Variants in FBN1 observed in about 807,000 individuals in gnomAD.
FBN1 encodes fibrillin-1.
In FBN1, 29 loss-of-function variants were observed where a neutral mutation model predicts 365.1. That is an observed-to-expected ratio of 0.08 (90% CI 0.06 to 0.11). The LOEUF (loss-of-function observed/expected upper bound fraction) is 0.11, where lower values mean the gene tolerates loss of function less well. Among genes scored for constraint, FBN1 ranks in the 10% least tolerant of loss-of-function variants. The pLI, the probability that FBN1 is intolerant of heterozygous loss-of-function variation, is 1.00. For synonymous variants in FBN1, 1,210 were observed against 1,270.5 expected (o/e 0.95, Z 1.01); for missense variants, 2,476 against 3,703.2 (o/e 0.67, Z 8.60).
intron 2 of FBN1, 45 bp from the exon 3 acceptor site, chr15:48,613,137 A>G (rs1053014987): frequency 4.1e-6 from 6 of 1,460,294 alleles, no homozygotes; most frequent in African/African-American, 1.4e-5. Context: ...AAAAAGAAGA[A>G]GAGGAAGAGA....
intron 1 of FBN1, among the ~76,000 whole-genome samples, chr15:48,645,177 C>T (rs975064358): frequency 6.6e-6 from 1 of 152,366 alleles, no homozygotes; most frequent in African/African-American, 2.4e-5. Flanking sequence ...CAGAAGAGCG[C>T]GGCGCAAAGT....
At chr15:48,537,545 A>G in intron 7 of FBN1, 66 bp downstream of exon 7, 1 of 1,579,200 alleles carries the variant, frequency 6.3e-7, no homozygotes, top group East Asian at 2.2e-5. Context: ...CTTCAACTTC[A>G]TTGGAGAATG....
At chr15:48,441,602 G>T in intron 50 of FBN1, 119 bp downstream of exon 50, 1 of 1,266,162 alleles carries the variant, frequency 7.9e-7, no homozygotes, top group Non-Finnish European at 1.1e-6. Flanking sequence ...ACCTCTGGGT[G>T]AATGAAAACT....
chr15:48,474,251 A>T lies in FBN1; in HGVS notation c.4210+4T>A. ...TGACACAGTTGTTTCCAGCGTGAAC[A>T]TACCTGTACAAGTGAAGCCATCACC... On this transcript the variant is annotated splice_donor_region_variant and intron_variant, in intron 34 of 65. Coordinates refer to ENST00000316623, the MANE Select transcript of FBN1 (RefSeq NM_000138.5). 1 of 1,614,110 alleles carries T rather than the reference A, an allele frequency of 6.2e-7. No homozygotes were observed. Among genetic ancestry groups the T allele is most frequent in the Non-Finnish European group, 8.5e-7 (1 of 1,179,980 alleles).
At chr15:48,628,848 G>C (rs895753845) in intron 2 of FBN1, among the ~76,000 whole-genome samples, 2 of 152,150 alleles carry the variant, frequency 1.3e-5, no homozygotes, top group Admixed American at 1.3e-4. Context: ...CAAAAAGAGA[G>C]ACTAGTAGTA....
chr15:48,458,158 T>C (rs2043255158), intron 43 of FBN1, among the ~76,000 whole-genome samples: 1 of 152,206 alleles, frequency 6.6e-6, no homozygotes, highest in Non-Finnish European at 1.5e-5. Context: ...TTACTTATTA[T>C]AGTCAGGAGC....
Position 48,472,617 on chromosome 15 carries a change from G to C in FBN1, c.4270C>G (p.Pro1424Ala), listed in dbSNP as rs201273753. 3.1e-4 allele frequency: 505 copies of C among 1,614,042 alleles called. No homozygotes were observed. Among genetic ancestry groups the C allele is most frequent in the Admixed American group, 1.0e-3 (62 of 60,004 alleles). Reference protein sequence around the residue: ...LCGNGQCLNAPGGYRCECDMG... With the variant: ...LCGNGQCLNAAGGYRCECDMG... Reference sequence around the variant, plus strand: ...TCGCATTCACAGCGGTATCCTCCTGGTGCATTGAGGCACTGGCCATTGCCA... The same window carrying C: ...TCGCATTCACAGCGGTATCCTCCTGCTGCATTGAGGCACTGGCCATTGCCA... Residue 1424 changes from proline to alanine, a missense_variant, in exon 35 of 66, where the codon CCA becomes GCA. Physicochemically the swap from Pro to Ala is conservative, Grantham distance 27. Around this residue, in one of 5 missense-constraint regions of FBN1, gnomAD observed 1,780 missense variants for 2,840.8 expected, o/e 0.63. Coordinates refer to ENST00000316623, the MANE Select transcript of FBN1 (RefSeq NM_000138.5).
chr15:48,431,799 A>C (rs1347953046), intron 55 of FBN1, among the ~76,000 whole-genome samples: 2 of 151,940 alleles, frequency 1.3e-5, no homozygotes, highest in African/African-American at 4.8e-5. Context: ...AGATTACAAG[A>C]ATGCGCCATC....
chr15:48,604,020 C>T (rs994566821), intron 4 of FBN1, among the ~76,000 whole-genome samples: 4 of 152,164 alleles, frequency 2.6e-5, no homozygotes, highest in African/African-American at 7.2e-5. Context: ...ACTTACTGAA[C>T]GTCTTTCATT....
chr15:48,615,301 A>G (rs552998842), intron 2 of FBN1, among the ~76,000 whole-genome samples: 3 of 152,078 alleles, frequency 2.0e-5, no homozygotes, highest in African/African-American at 7.2e-5. Flanking sequence ...TTTTACTACA[A>G]TCATACATTG....
intron 4 of FBN1, among the ~76,000 whole-genome samples, chr15:48,606,508 C>A (rs533288903): frequency 6.6e-6 from 1 of 152,228 alleles, no homozygotes; most frequent in East Asian, 1.9e-4. Context: ...TCTGTGATTC[C>A]ATTTATATAA....
chr15:48,585,201 C>T (rs953929745), intron 6 of FBN1, among the ~76,000 whole-genome samples: 3 of 152,180 alleles, frequency 2.0e-5, no homozygotes, highest in Non-Finnish European at 4.4e-5. Flanking sequence ...AACAATGCCT[C>T]CTAGGAGAGG....
chr15:48,448,740 A>G, intron 46 of FBN1, 28 bp downstream of exon 46: 1 of 1,598,710 alleles, frequency 6.3e-7, no homozygotes, highest in Non-Finnish European at 8.5e-7. Context: ...ACAGCATATG[A>G]AAAAAATAAT....
chr15:48,432,325 T>C (rs1440949950), intron 55 of FBN1, among the ~76,000 whole-genome samples: 2 of 152,202 alleles, frequency 1.3e-5, no homozygotes, highest in African/African-American at 2.4e-5. Context: ...GAGCAAACTC[T>C]ATGATTACTG....
At chr15:48,629,194 G>C (rs540050207) in intron 2 of FBN1, among the ~76,000 whole-genome samples, 1 of 152,298 alleles carries the variant, frequency 6.6e-6, no homozygotes, top group Admixed American at 6.5e-5. Flanking sequence ...TAAAATATCA[G>C]CTGAACTAAA....
At chr15:48,491,500 G>A (rs921587661) in intron 24 of FBN1, among the ~76,000 whole-genome samples, 3 of 152,058 alleles carry the variant, frequency 2.0e-5, no homozygotes, top group South Asian at 2.1e-4. Context: ...ACAGGTGCCC[G>A]CCACCGTGCC....
At chr15:48,424,868 T>C (rs1158648742) in intron 60 of FBN1, among the ~76,000 whole-genome samples, 4 of 152,218 alleles carry the variant, frequency 2.6e-5, no homozygotes, top group Non-Finnish European at 5.9e-5. Flanking sequence ...GTGATATTTA[T>C]GTCTCAGGGA....
rs2043606869 is a variant in FBN1, at chr15:48,496,153, A to G, written c.2366T>C (p.Val789Ala). 1 of 1,613,756 alleles carries G rather than the reference A, an allele frequency of 6.2e-7. No individual in the cohort carries two copies. Reference sequence around the variant, plus strand: ...GATAAATCCCTTGGGGCAGGTACAGACAAAACTTCCAGGAGTATTTCTACA... The same window carrying G: ...GATAAATCCCTTGGGGCAGGTACAGGCAAAACTTCCAGGAGTATTTCTACA... ...GQCRNTPGSF[V>A]CTCPKGFIYK... The change falls in exon 20 of 66, where the codon GTC becomes GCC. Residue 789 changes from valine to alanine, a missense_variant. Physicochemically the swap from Val to Ala is moderately conservative, Grantham distance 64 (BLOSUM62 0). Coordinates refer to ENST00000316623, the MANE Select transcript of FBN1 (RefSeq NM_000138.5).
intron 6 of FBN1, among the ~76,000 whole-genome samples, chr15:48,575,916 G>A (rs2044343397): frequency 6.6e-6 from 1 of 151,618 alleles, no homozygotes. Flanking sequence ...GAACTGGAAA[G>A]CATTATCCTA....
Sources: gnomAD v4.1 joint callset for allele counts (sites outside exome capture counted in the v4.1 genomes callset) on GRCh38, gnomAD v4.1.1 for gene constraint, gnomAD v4.1.1 regional missense constraint, MANE v1.5 for transcripts, NCBI Gene and HGNC (gene_info 2026-07-23, HGNC 2026-07-21) for gene names.